Variants in POLR2F observed in about 807,000 individuals in gnomAD.
POLR2F encodes DNA-directed RNA polymerases I, II, and III subunit RPABC2.
Under a neutral mutation model 22.7 loss-of-function variants are expected in POLR2F, and 12 were observed. The ratio of observed to expected loss-of-function variants is 0.53; its 90% CI spans 0.34 to 0.86. The LOEUF (loss-of-function observed/expected upper bound fraction) is 0.86, where lower values mean the gene tolerates loss of function less well. POLR2F is among the 40% of genes least tolerant of loss of function. The pLI, the probability that POLR2F is intolerant of heterozygous loss-of-function variation, is 0.02. For missense variants in POLR2F, 126 were observed against 171.5 expected (o/e 0.73, Z 1.48); for synonymous variants, 57 against 66.0 (o/e 0.86, Z 0.66).
intron 1 of POLR2F, chr22:37,988,478 C>G (rs1461810718): frequency 6.6e-6 from 1 of 151,196 alleles, no homozygotes; most frequent in Non-Finnish European, 1.5e-5. Context: ...TGGTGAAACC[C>G]CATGTCTACT....
At chr22:37,959,573 C>A in intron 3 of POLR2F, 97 bp downstream of exon 3, 1 of 1,382,926 alleles carries the variant, frequency 7.2e-7, no homozygotes, top group Non-Finnish European at 1.0e-6. Flanking sequence ...AAAACAGACT[C>A]TCTGCTCTCA....
At position 37,996,072 on chromosome 22, in the gene POLR2F, G is replaced by A. The variant is rs2084710999; in HGVS notation, c.120+9760G>A. Among the ~76,000 whole-genome samples the A allele has an allele frequency of 3.9e-5, 6 of 152,200 alleles. No individual in the cohort carries two copies. The South Asian group carries it at 1.2e-3, about 32-fold the overall frequency. ...CCAGGGCCTCTCACTGATGGAGGTGGTCGTGACTCCTAGTCCAGTGCTCTT... is the reference window on the plus strand; with the variant it reads ...CCAGGGCCTCTCACTGATGGAGGTGATCGTGACTCCTAGTCCAGTGCTCTT... On this transcript the variant is annotated intron_variant, in intron 1 of 2. Coordinates refer to the POLR2F transcript ENST00000333418.
chr22:38,002,733 C>CT (rs1158825995), intron 1 of POLR2F, among the ~76,000 whole-genome samples: 21 of 148,612 alleles, frequency 1.4e-4, no homozygotes, highest in African/African-American at 3.2e-4. Context: ...ACTTTTGAGT[C>CT]TTTTTTTTTT....
chr22:37,973,687 A>C (rs1201092113), downstream of POLR2F: 1 of 1,610,044 alleles, frequency 6.2e-7, no homozygotes, highest in African/African-American at 1.3e-5. Context: ...GCTGATGGTC[A>C]GAGTAGTCAA....
intron 1 of POLR2F, among the ~76,000 whole-genome samples, chr22:38,004,180 G>A (rs979919741): frequency 1.1e-4 from 2 of 19,002 alleles, no homozygotes; most frequent in African/African-American, 8.6e-4. Flanking sequence ...TAGAGATGTG[G>A]GGGGGGTCTC....
chr22:37,975,229 C>T (rs1380844921), intron 4 of POLR2F, among the ~76,000 whole-genome samples: 1 of 152,164 alleles, frequency 6.6e-6, no homozygotes, highest in Non-Finnish European at 1.5e-5. Context: ...GATCCCTGTT[C>T]CCAAAAGCTC....
rs1381450071 is a variant in POLR2F, at chr22:38,016,979, C to CG, written c.121-8884dup. Among the ~76,000 whole-genome samples the CG allele has an allele frequency of 1.3e-5, 2 of 152,088 alleles. No homozygotes were observed. Among genetic ancestry groups the CG allele is most frequent in the Admixed American group, 6.5e-5 (1 of 15,288 alleles). On this transcript the variant is annotated intron_variant, in intron 1 of 2. Transcript: ENST00000333418. The surrounding 1 kb of genome is among the most constrained non-coding windows in gnomAD (Gnocchi z 4.4). ...GAGAGATGGAGCCAGGCCGGGGTGC[C>CG]GGGGGGCAGCGCAAGGGGCCAGCCA...
Position 37,968,658 on chromosome 22 carries a change from G to A in POLR2F, c.*943G>A. On this transcript the variant is annotated 3_prime_UTR_variant, in exon 5 of 5. Coordinates refer to ENST00000442738, the MANE Select transcript of POLR2F (RefSeq NM_021974.5). ...CTCCTCCCTCCTAGAGGGGGTCAGGGGGAGGGTGTATATTGACATGAACAG... is the reference window on the plus strand; with the variant it reads ...CTCCTCCCTCCTAGAGGGGGTCAGGAGGAGGGTGTATATTGACATGAACAG... 3 of 985,444 alleles carry A rather than the reference G, an allele frequency of 3.0e-6. No homozygotes were observed. The highest frequency in any genetic ancestry group is 3.6e-6 in the Non-Finnish European group (3 of 829,942). The allele number at this position is 985,444 out of a possible 1,614,324, so 61.0% of individuals were successfully genotyped here. A position where few individuals can be genotyped will look rare whatever the true frequency, so the allele number is the denominator to read the frequency against.
In POLR2F at chr22:38,021,858, G is replaced by A. The variant is rs531709877; in HGVS notation, c.121-4011G>A. The stretch of plus-strand genomic sequence containing the variant: ...TTGAAAAATCTATTTGGGGCCGGGC[G>A]CAGTAGCTCACGTCTGTAATCCCAG... On this transcript the variant is annotated intron_variant, in intron 1 of 2. Transcript: ENST00000333418. Among the ~76,000 whole-genome samples, 32 of 151,462 alleles carry A rather than the reference G, an allele frequency of 2.1e-4. 1 individual carries two copies. The highest frequency in any genetic ancestry group is 1.6e-3 in the Admixed American group (25 of 15,156).
intron 4 of POLR2F, among the ~76,000 whole-genome samples, chr22:37,979,714 G>A (rs541931081): frequency 6.6e-6 from 1 of 152,252 alleles, no homozygotes; most frequent in Admixed American, 6.5e-5. Context: ...CTTAGGCCAG[G>A]GTTGGAGGGT....
chr22:38,026,153 C>T (rs545261890), intron 2 of POLR2F: 26 of 533,112 alleles, frequency 4.9e-5, no homozygotes, highest in African/African-American at 2.9e-4. Flanking sequence ...GCCTGGTAGG[C>T]GGGCACCAGG....
chr22:37,977,904 G>C lies in POLR2F; in HGVS notation c.293+10734G>C, dbSNP rs781186643. 1.3e-5 allele frequency: 21 copies of C among 1,612,726 alleles called. No individual in the cohort carries two copies. Among genetic ancestry groups the C allele is most frequent in the Middle Eastern group, 1.7e-4 (1 of 5,844 alleles). ...CGGGGTTCCCATCTGACATGGGGGA[G>C]CCCTCTCCTGGGTGCCGGTGGTCCA... On this transcript the variant is annotated intron_variant, in intron 4 of 4. Transcript: ENST00000405557.
At chr22:37,965,684 A>G (rs1221420011) in intron 3 of POLR2F, among the ~76,000 whole-genome samples, 4 of 152,220 alleles carry the variant, frequency 2.6e-5, no homozygotes, top group African/African-American at 7.2e-5. Context: ...GGCTTTTGGG[A>G]GTAATATAAA....
At chr22:37,993,935 G>A (rs2084686329) in intron 1 of POLR2F, among the ~76,000 whole-genome samples, 1 of 152,186 alleles carries the variant, frequency 6.6e-6, no homozygotes, top group African/African-American at 2.4e-5. Context: ...CTTGCAGTGA[G>A]CCGAGATCGC....
chr22:38,025,805 T>C, intron 1 of POLR2F: 1 of 1,498,528 alleles, frequency 6.7e-7, no homozygotes, highest in East Asian at 2.3e-5. Flanking sequence ...TTGGGCACTT[T>C]TCATGGCCAG....
chr22:37,975,838 G>A (rs1316168123), intron 4 of POLR2F, among the ~76,000 whole-genome samples: 1 of 152,078 alleles, frequency 6.6e-6, no homozygotes, highest in African/African-American at 2.4e-5. Context: ...GGGCAGTGGG[G>A]TGTTCTTGGA....
rs1196393866 is a variant in POLR2F, at chr22:37,997,182, C to T, written c.120+10870C>T. Among the ~76,000 whole-genome samples the T allele has an allele frequency of 1.3e-5, 2 of 152,122 alleles. No homozygotes were observed. The highest frequency in any genetic ancestry group is 2.9e-5 in the Non-Finnish European group (2 of 67,994). On this transcript the variant is annotated intron_variant, in intron 1 of 2. Transcript: ENST00000333418. The surrounding 1 kb of genome is among the most constrained non-coding windows in gnomAD (Gnocchi z 4.4). ...CTGGGAGGGCCCTGAGCTTCCCAGC[C>T]GGAGTCTCCCCTCCATCCCCTCCTC...
chr22:37,985,818 AACACACACACACACAC>A (rs60447362), upstream of POLR2F, among the ~76,000 whole-genome samples: 2 of 144,392 alleles, frequency 1.4e-5, no homozygotes, highest in Non-Finnish European at 3.0e-5. Flanking sequence ...CAGACACTGG[AACACACACACACACAC>A]ACACACACAC....
At chr22:38,025,758 G>A (rs948134965) in intron 1 of POLR2F, 1 of 1,541,262 alleles carries the variant, frequency 6.5e-7, no homozygotes, top group Non-Finnish European at 8.7e-7. Flanking sequence ...CACCCGAGCT[G>A]AACACAGGAT....
Sources: gnomAD v4.1 joint callset for allele counts (sites outside exome capture counted in the v4.1 genomes callset) on GRCh38, gnomAD v4.1.1 for gene constraint, Gnocchi (gnomAD v3.1) non-coding constraint, MANE v1.5 for transcripts, NCBI Gene and HGNC (gene_info 2026-07-23, HGNC 2026-07-21) for gene names.